RDX: variants seen among roughly 807,000 people sequenced by gnomAD.
RDX encodes the protein radixin, also known as deafness, autosomal recessive 24.
In RDX, 32 loss-of-function variants were observed where a neutral mutation model predicts 83.7. That is an observed-to-expected ratio of 0.38 (90% CI 0.29 to 0.51). The LOEUF (loss-of-function observed/expected upper bound fraction) is 0.51, where lower values mean the gene tolerates loss of function less well. RDX is among the 20% of genes least tolerant of loss of function. The pLI is 0.87. For missense variants in RDX, 600 were observed against 689.9 expected (o/e 0.87, Z 1.46); for synonymous variants, 229 against 222.7 (o/e 1.03, Z -0.25).
chr11:110,255,208 ACT>A lies in RDX; in HGVS notation c.795+79_795+80del, dbSNP rs547239975. ...CTCAGAAGCAATTTAATAAATGAAC[ACT>A]GTTATTCTTCAAGTGATATCATGGG... On this transcript the variant is annotated intron_variant, in intron 8 of 13. Transcript: ENST00000645495. 2,002 of 760,764 alleles carry A rather than the reference ACT, an allele frequency of 2.6e-3. 5 individuals are homozygous for A. The highest frequency in any genetic ancestry group is 8.1e-3 in the Middle Eastern group (22 of 2,718). The allele number at this position is 760,764 out of a possible 1,614,324, so 47.1% of individuals were successfully genotyped here.
chr11:110,263,846 T>A (rs1859901435), intron 5 of RDX, 114 bp downstream of exon 5: 1 of 900,924 alleles, frequency 1.1e-6, no homozygotes, highest in Non-Finnish European at 1.7e-6. Context: ...CCAGCATGGG[T>A]GACAGGTCCA....
At chr11:110,274,127 AT>A (rs1019357851) in intron 2 of RDX, among the ~76,000 whole-genome samples, 30 of 152,194 alleles carry the variant, frequency 2.0e-4, no homozygotes, top group South Asian at 2.1e-4. Flanking sequence ...AAATAATCTT[AT>A]TTTTTTCTTT....
intron 14 of RDX, among the ~76,000 whole-genome samples, chr11:110,214,809 G>A (rs1371964326): frequency 8.9e-6 from 1 of 112,758 alleles, no homozygotes; most frequent in Non-Finnish European, 1.8e-5. Context: ...CATGGACACA[G>A]GAAGGGGAAT....
In RDX at chr11:110,247,731, A is replaced by C. The variant is rs747206359; in HGVS notation, c.1062T>G (p.Ile354Met). ...KEELMERLKQ[I>M]EEQTIKAQKE... ...TCTGAGCTTTAATTGTCTGCTCTTC[A>C]ATTTGTTTTAGACGTTCCATTAGCT... Residue 354 changes from isoleucine to methionine, a missense_variant, in exon 10 of 14, where the codon ATT becomes ATG. Transcript: ENST00000645495. 3 of 1,612,148 alleles carry C rather than the reference A, an allele frequency of 1.9e-6. No homozygotes were observed. The African/African-American group carries it at 4.0e-5, about 22-fold the overall frequency.
chr11:110,180,706 A>G (rs1201623265), intron 15 of RDX, among the ~76,000 whole-genome samples: 1 of 149,260 alleles, frequency 6.7e-6, no homozygotes, highest in Non-Finnish European at 1.5e-5. Context: ...GCTGGAGTGC[A>G]GTGGTGCGAT....
At chr11:110,241,831 T>C (rs114412984) in intron 10 of RDX, among the ~76,000 whole-genome samples, 464 of 152,258 alleles carry the variant, frequency 3.0e-3, no homozygotes, top group African/African-American at 0.011. Context: ...GGTATACAAA[T>C]AGAATATCAT....
intron 14 of RDX, among the ~76,000 whole-genome samples, chr11:110,216,639 A>G (rs1489915139): frequency 6.6e-6 from 1 of 151,168 alleles, no homozygotes; most frequent in Non-Finnish European, 1.5e-5. Context: ...CAGCCTCCCA[A>G]AGTGCTGGGA....
intron 14 of RDX, among the ~76,000 whole-genome samples, chr11:110,218,718 T>C (rs1864144459): frequency 6.6e-6 from 1 of 152,214 alleles, no homozygotes; most frequent in African/African-American, 2.4e-5. Context: ...TATATTTGCA[T>C]ATGCAGTTAC....
rs191517936 is a variant in RDX at position 110,243,507 on chromosome 11, A to C, written c.1090+4196T>G. 6.1e-3 allele frequency among the ~76,000 whole-genome samples: 926 copies of C among 152,324 alleles called. 3 individuals are homozygous for C. Among genetic ancestry groups the C allele is most frequent in the African/African-American group, 0.02 (828 of 41,578 alleles). On this transcript the variant is annotated intron_variant, in intron 10 of 13. Coordinates refer to ENST00000645495, the MANE Select transcript of RDX (RefSeq NM_002906.4). ...CAAGGCAGGCAGATCACTTGAGGCC[A>C]GGAGTTGGAGACCAGCCTGGCCAAC... is the stretch of plus-strand genomic sequence containing the variant.
intron 10 of RDX, 39 bp downstream of exon 10, chr11:110,247,664 T>A: frequency 6.3e-7 from 1 of 1,598,754 alleles, no homozygotes; most frequent in Non-Finnish European, 8.5e-7. Flanking sequence ...AACAGAGCAA[T>A]AATAATTTTT....
chr11:110,231,221 C>T lies in RDX; in HGVS notation c.*648G>A, dbSNP rs1475101595. The T allele has an allele frequency of 6.5e-6, 1 of 152,838 alleles. No homozygotes were observed. Among genetic ancestry groups the T allele is most frequent in the Non-Finnish European group, 1.5e-5 (1 of 68,594 alleles). 9.5% of individuals were successfully genotyped at this position (152,838 alleles called of 1,614,324 possible). On this transcript the variant is annotated 3_prime_UTR_variant, in exon 14 of 14. Coordinates refer to ENST00000645495, the MANE Select transcript of RDX (RefSeq NM_002906.4). ...TGACTGTGATTAAATAACCAAATAT[C>T]AAATATCCAATAAGGTAATTAAATT...
chr11:110,290,812 C>T (rs186219606), intron 1 of RDX, among the ~76,000 whole-genome samples: 7 of 146,820 alleles, frequency 4.8e-5, no homozygotes, highest in South Asian at 2.2e-4. Context: ...AAGTCAGCTA[C>T]GATGTGTTCA....
chr11:110,199,733 G>A, intron 14 of RDX: 1 of 702,828 alleles, frequency 1.4e-6, no homozygotes, highest in South Asian at 1.5e-5. Context: ...AACACAGTAG[G>A]AAGCTGAATG....
rs556618170 is a variant in RDX at position 110,292,359 on chromosome 11, C to A, written c.-65+4108G>T. 3.3e-5 allele frequency among the ~76,000 whole-genome samples: 5 copies of A among 151,540 alleles called. No individual in the cohort carries two copies. In the East Asian group the frequency reaches 9.7e-4, roughly 29 times the overall value. ...CCTGTGTTGGCAGCTACTAGGGAGA[C>A]TGATGTGGGAGGAACTTAAAGGATC... On this transcript the variant is annotated intron_variant, in intron 1 of 13. Transcript: ENST00000645495.
At chr11:110,238,907 G>A (rs1240611581) in intron 10 of RDX, among the ~76,000 whole-genome samples, 7 of 146,292 alleles carry the variant, frequency 4.8e-5, no homozygotes, top group Non-Finnish European at 3.0e-5. Context: ...CCTGGGCGAC[G>A]GAGCAAGACT....
In RDX at chr11:110,233,417, G is replaced by T. The variant is rs775781237; in HGVS notation, c.1407C>A (p.Ala469=). ...TKEELKTVMS[A]PPPPPPPPVI... is the part of the protein sequence containing the mutation. The stretch of plus-strand genomic sequence containing the variant: ...CTGGTGGTGGTGGAGGTGGAGGGGG[G>T]GCAGACATCACAGTTTTTAACTCTT... The change falls in exon 13 of 14, where the codon GCC becomes GCA. Residue 469 remains alanine (A), a synonymous_variant. Coordinates refer to ENST00000645495, the MANE Select transcript of RDX (RefSeq NM_002906.4). 5.0e-6 allele frequency: 8 copies of T among 1,613,848 alleles called. No homozygotes were observed. The East Asian group carries it at 1.8e-4, about 36-fold the overall frequency.
intron 14 of RDX, among the ~76,000 whole-genome samples, chr11:110,215,047 A>ATATATATATATATATATATAT (rs1555033344): frequency 8.6e-6 from 1 of 116,056 alleles, no homozygotes; most frequent in African/African-American, 3.2e-5. Context: ...AAAAAAAAAA[A>ATATATATATATATATATATAT]AAATATATAT....
intron 14 of RDX, among the ~76,000 whole-genome samples, chr11:110,202,382 A>G (rs987663811): frequency 4.6e-5 from 7 of 151,856 alleles, no homozygotes; most frequent in African/African-American, 1.5e-4. Context: ...CAAGAGAGCA[A>G]GACTTCATCT....
intron 15 of RDX, among the ~76,000 whole-genome samples, chr11:110,183,291 G>A (rs975162381): frequency 3.3e-5 from 5 of 152,168 alleles, no homozygotes; most frequent in Non-Finnish European, 2.9e-5. Context: ...AGCTCTACTT[G>A]GCTTGCCATC....
Sources: gnomAD v4.1 joint callset for allele counts (sites outside exome capture counted in the v4.1 genomes callset) on GRCh38, gnomAD v4.1.1 for gene constraint, MANE v1.5 for transcripts, NCBI Gene and HGNC (gene_info 2026-07-23, HGNC 2026-07-21) for gene names.